The following ANGPT1 variants were observed in gnomAD, a reference collection of about 807,000 sequenced individuals.
The protein encoded by ANGPT1 is angiopoietin 1.
Under a neutral mutation model 62.2 loss-of-function variants are expected in ANGPT1, and 17 were observed. The ratio of observed to expected loss-of-function variants is 0.27; its 90% CI spans 0.19 to 0.41. The LOEUF is 0.41. ANGPT1 is among the 10% of genes least tolerant of loss of function. The probability of loss-of-function intolerance (pLI) is 1.00; values close to 1 mark genes in which losing one functional copy is unlikely to be tolerated. For synonymous variants in ANGPT1, 199 were observed against 198.9 expected (o/e 1.00, Z 0.00); for missense variants, 478 against 594.9 (o/e 0.80, Z 2.04).
intron 1 of ANGPT1, among the ~76,000 whole-genome samples, chr8:107,407,509 T>C (rs1242152466): frequency 6.6e-6 from 1 of 152,156 alleles, no homozygotes; most frequent in Non-Finnish European, 1.5e-5. Flanking sequence ...TTTAGTGTCT[T>C]GAGAATCTGG....
chr8:107,395,096 G>A (rs1816910194), intron 1 of ANGPT1, among the ~76,000 whole-genome samples: 1 of 152,142 alleles, frequency 6.6e-6, no homozygotes, highest in Admixed American at 6.5e-5. Context: ...GCTGCCTTCT[G>A]AAGAGGATTC....
intron 1 of ANGPT1, among the ~76,000 whole-genome samples, chr8:107,406,275 G>T (rs1817146484): frequency 6.6e-6 from 1 of 151,722 alleles, no homozygotes. Flanking sequence ...ACATAGTAAA[G>T]ACAGTAACAT....
chr8:107,363,845 T>G (rs1030130834), intron 1 of ANGPT1, among the ~76,000 whole-genome samples: 1 of 152,202 alleles, frequency 6.6e-6, no homozygotes, highest in Non-Finnish European at 1.5e-5. Context: ...GCCACTTAAC[T>G]ACTCTAAGCC....
chr8:107,327,105 C>T (rs192057469), intron 3 of ANGPT1, among the ~76,000 whole-genome samples: 6 of 152,246 alleles, frequency 3.9e-5, no homozygotes, highest in East Asian at 1.9e-4. Context: ...ATCTTTCCCA[C>T]GTATAAAAAC....
intron 6 of ANGPT1, among the ~76,000 whole-genome samples, chr8:107,287,452 C>T (rs114761241): frequency 3.3e-5 from 5 of 152,246 alleles, no homozygotes; most frequent in African/African-American, 7.2e-5. Context: ...ACATTTATTT[C>T]GAGCTCCTTC....
chr8:107,266,624 T>G lies in ANGPT1; in HGVS notation c.1206-2273A>C, dbSNP rs144365788. On this transcript the variant is annotated intron_variant, in intron 7 of 8. Transcript: ENST00000517746. ...TTGAATGAGCAATGGCAATTTTAAC[T>G]CTGATTTTTTGTTTCTCTGTGATTT... Among the ~76,000 whole-genome samples, 330 of 152,298 alleles carry G rather than the reference T, an allele frequency of 2.2e-3. 4 individuals carry two copies. The highest frequency in any genetic ancestry group is 0.018 in the Admixed American group (271 of 15,274).
At position 107,293,911 on chromosome 8, in the gene ANGPT1, A is replaced by C. The variant is rs374889477; in HGVS notation, c.1038+25T>G. 59 of 1,579,010 alleles carry C rather than the reference A, an allele frequency of 3.7e-5. No homozygotes were observed. In the African/African-American group the frequency reaches 7.6e-4, roughly 20 times the overall value. On this transcript the variant is annotated intron_variant, in intron 6 of 8. Transcript: ENST00000517746. ...ATAACTTCAAGATAAAACACCAAAAAGCACCATAAATTCTTGCATCTTACC... is the reference window on the plus strand; with the variant it reads ...ATAACTTCAAGATAAAACACCAAAACGCACCATAAATTCTTGCATCTTACC...
At chr8:107,265,227 A>G (rs2130041171) in intron 7 of ANGPT1, among the ~76,000 whole-genome samples, 1 of 152,236 alleles carries the variant, frequency 6.6e-6, no homozygotes. Context: ...TAAAAGGCCT[A>G]TTTACTAACC....
At chr8:107,264,876 G>A (rs1003534589) in intron 7 of ANGPT1, among the ~76,000 whole-genome samples, 1 of 152,120 alleles carries the variant, frequency 6.6e-6, no homozygotes, top group African/African-American at 2.4e-5. Context: ...AAGGTTTAGG[G>A]AAGCTATGTA....
At chr8:107,363,736 G>A (rs1323364535) in intron 1 of ANGPT1, among the ~76,000 whole-genome samples, 1 of 152,168 alleles carries the variant, frequency 6.6e-6, no homozygotes, top group Non-Finnish European at 1.5e-5. Context: ...GGGCATGGAT[G>A]TGACAGATGG....
chr8:107,250,114 CA>C lies in ANGPT1; in HGVS notation c.*1740del, dbSNP rs1254671545. 6.6e-6 allele frequency: 1 copy of C among 152,300 alleles called. No homozygotes were observed. Among genetic ancestry groups the C allele is most frequent in the African/African-American group, 2.4e-5 (1 of 41,432 alleles). The allele number at this position is 152,300 out of a possible 1,614,324, so 9.4% of individuals were successfully genotyped here. A position where few individuals can be genotyped will look rare whatever the true frequency, so the allele number is the denominator to read the frequency against. On this transcript the variant is annotated 3_prime_UTR_variant, in exon 9 of 9. Transcript: ENST00000517746. ...TCTCAAATGGAGGAAACCATTAAGG[CA>C]TAGTGGATCAAGTCACCAAGTTTGA...
At chr8:107,423,379 T>C (rs1339344671) in intron 1 of ANGPT1, among the ~76,000 whole-genome samples, 2 of 152,150 alleles carry the variant, frequency 1.3e-5, no homozygotes, top group Non-Finnish European at 2.9e-5. Flanking sequence ...TGCCCTTAGC[T>C]AAGGGGAGTT....
chr8:107,340,100 C>T (rs1815662065), intron 2 of ANGPT1, among the ~76,000 whole-genome samples: 1 of 152,160 alleles, frequency 6.6e-6, no homozygotes, highest in African/African-American at 2.4e-5. Context: ...AAATTGACCA[C>T]TTTCTTGCCA....
intron 1 of ANGPT1, among the ~76,000 whole-genome samples, chr8:107,376,122 A>C (rs1348750295): frequency 6.6e-6 from 1 of 152,184 alleles, no homozygotes; most frequent in Non-Finnish European, 1.5e-5. Flanking sequence ...CTATCATGTC[A>C]TGACATTTAA....
At chr8:107,471,476 G>C (rs1048279056) in intron 1 of ANGPT1, among the ~76,000 whole-genome samples, 1 of 152,000 alleles carries the variant, frequency 6.6e-6, no homozygotes, top group African/African-American at 2.4e-5. Context: ...GATGGGTGCA[G>C]AAAACCACCA....
chr8:107,296,789 C>T (rs1814426758), intron 5 of ANGPT1, among the ~76,000 whole-genome samples: 1 of 152,002 alleles, frequency 6.6e-6, no homozygotes, highest in South Asian at 2.1e-4. Flanking sequence ...ACACTGATTG[C>T]CTGAAAGTTT....
intron 1 of ANGPT1, among the ~76,000 whole-genome samples, chr8:107,468,894 C>G (rs1295967011): frequency 6.6e-6 from 1 of 151,958 alleles, no homozygotes; most frequent in Non-Finnish European, 1.5e-5. Context: ...GTTTGAGAAT[C>G]AAATCCAATG....
chr8:107,480,029 T>C (rs777149928), intron 1 of ANGPT1, among the ~76,000 whole-genome samples: 32 of 152,164 alleles, frequency 2.1e-4, no homozygotes, highest in Admixed American at 9.2e-4. Flanking sequence ...ATGACATTTT[T>C]ATCCATGTCA....
chr8:107,282,571 T>C (rs1401570760), intron 7 of ANGPT1, among the ~76,000 whole-genome samples: 1 of 123,314 alleles, frequency 8.1e-6, no homozygotes, highest in Non-Finnish European at 1.7e-5. Flanking sequence ...TATATATATA[T>C]ATATATATAT....
Sources: gnomAD v4.1 joint callset for allele counts (sites outside exome capture counted in the v4.1 genomes callset) on GRCh38, gnomAD v4.1.1 for gene constraint, MANE v1.5 for transcripts, NCBI Gene and HGNC (gene_info 2026-07-23, HGNC 2026-07-21) for gene names.